Variants in GPATCH8 observed in about 807,000 individuals in gnomAD.
The protein encoded by GPATCH8 is G-patch domain containing 8.
Under a neutral mutation model 118.3 loss-of-function variants are expected in GPATCH8, and 18 were observed. The ratio of observed to expected loss-of-function variants is 0.15; its 90% confidence interval spans 0.11 to 0.23. GPATCH8 has a LOEUF of 0.23. Among genes scored for constraint, GPATCH8 ranks in the 10% least tolerant of loss-of-function variants. GPATCH8 has a pLI of 1.00. For missense variants in GPATCH8, 1,631 were observed against 1,873.8 expected (o/e 0.87, Z 2.39); for synonymous variants, 659 against 684.7 (o/e 0.96, Z 0.59).
At chr17:44,459,434 T>C (rs2051462361) in intron 3 of GPATCH8, among the ~76,000 whole-genome samples, 1 of 152,184 alleles carries the variant, frequency 6.6e-6, no homozygotes, top group South Asian at 2.1e-4. Flanking sequence ...TTAATATCCA[T>C]TTATTGCTGA....
intron 6 of GPATCH8, among the ~76,000 whole-genome samples, chr17:44,416,159 G>A (rs1378279804): frequency 1.3e-5 from 2 of 152,084 alleles, no homozygotes; most frequent in Admixed American, 6.5e-5. Context: ...GTGCCACCAC[G>A]CCCAGCTAAT....
intron 3 of GPATCH8, among the ~76,000 whole-genome samples, chr17:44,451,990 G>C (rs562260771): frequency 3.3e-5 from 5 of 152,144 alleles, no homozygotes; most frequent in African/African-American, 9.6e-5. Flanking sequence ...TCTTGGGCAG[G>C]CTGGGCGTGG....
chr17:44,480,434 G>A (rs1177051545), intron 1 of GPATCH8, among the ~76,000 whole-genome samples: 6 of 151,862 alleles, frequency 4.0e-5, no homozygotes, highest in African/African-American at 1.5e-4. Flanking sequence ...TACAAAAATT[G>A]GCCAGGCGCG....
chr17:44,424,609 G>A (rs1598454688), intron 5 of GPATCH8, 117 bp from the exon 6 acceptor site: 1 of 752,908 alleles, frequency 1.3e-6, no homozygotes, highest in Non-Finnish European at 2.3e-6. Context: ...ATAATATTTA[G>A]TGGTACCAGT....
chr17:44,473,031 A>C (rs988136007), intron 2 of GPATCH8, among the ~76,000 whole-genome samples: 3 of 151,954 alleles, frequency 2.0e-5, no homozygotes, highest in Non-Finnish European at 4.4e-5. Flanking sequence ...GGAAAAATTA[A>C]ATTAGTTTGC....
At chr17:44,492,520 C>A (rs909901022) in intron 1 of GPATCH8, among the ~76,000 whole-genome samples, 1 of 150,628 alleles carries the variant, frequency 6.6e-6, no homozygotes. Flanking sequence ...TGCAGTGAGC[C>A]GAGATGTAGT....
intron 6 of GPATCH8, 26 bp downstream of exon 6, chr17:44,424,323 T>C (rs1383087659): frequency 2.0e-6 from 3 of 1,502,402 alleles, no homozygotes; most frequent in Non-Finnish European, 2.8e-6. Context: ...GGTACCTTCT[T>C]CTGTTAGCAA....
chr17:44,424,479 T>C lies in GPATCH8; in HGVS notation c.362A>G (p.Lys121Arg). Residue 121 changes from lysine (K) to arginine (R), a missense_variant, in exon 6 of 8, where the codon AAA (lysine) becomes AGA (arginine). By Grantham distance (26) the Lys-to-Arg change is conservative. This residue lies in a region of GPATCH8 where 81 missense variants were observed against 227.6 expected (regional missense o/e 0.36). Coordinates refer to ENST00000591680, the MANE Select transcript of GPATCH8 (RefSeq NM_001002909.4). The part of the protein sequence containing the change: ...LRQKYKDYVD[K>R]EKAIAKALED... Reference sequence around the variant, plus strand: ...CAAGGCTTTGGCAATTGCCTTCTCTTTGTCAACATAATCCTTCAAGACCCA... The same window carrying C: ...CAAGGCTTTGGCAATTGCCTTCTCTCTGTCAACATAATCCTTCAAGACCCA... 1 of 1,608,532 alleles carries C rather than the reference T, an allele frequency of 6.2e-7. No individual in the cohort carries two copies. Among genetic ancestry groups the C allele is most frequent in the Non-Finnish European group, 8.5e-7 (1 of 1,175,054 alleles).
chr17:44,442,984 T>C (rs2050754635), intron 3 of GPATCH8, among the ~76,000 whole-genome samples: 1 of 152,102 alleles, frequency 6.6e-6, no homozygotes, highest in Non-Finnish European at 1.5e-5. Flanking sequence ...ACTGAAAATA[T>C]TGAGGCAGAA....
Position 44,398,125 on chromosome 17 carries a change from C to T in GPATCH8, c.3952G>A (p.Glu1318Lys). The stretch of plus-strand genomic sequence containing the variant: ...GCCTGCTGGAGCTTGCTGTACTTCT[C>T]CATCTCCTCAGGGGTGAAGGTGATG... Reference protein sequence around the residue: ...QPITFTPEEMEKYSKLQQAAQ... With the variant: ...QPITFTPEEMKKYSKLQQAAQ... Residue 1318 changes from glutamate to lysine, a missense_variant, in exon 8 of 8, where the codon GAG becomes AAG. Physicochemically the swap from Glu to Lys is moderately conservative, Grantham distance 56 (BLOSUM62 1). Transcript: ENST00000591680. The T allele has an allele frequency of 6.2e-7, 1 of 1,614,032 alleles. No individual in the cohort carries two copies. Among genetic ancestry groups the T allele is most frequent in the Non-Finnish European group, 8.5e-7 (1 of 1,179,948 alleles).
At position 44,396,671 on chromosome 17, in the gene GPATCH8, G is replaced by C. The variant is rs1598391607; in HGVS notation, c.*897C>G. On this transcript the variant is annotated 3_prime_UTR_variant, in exon 8 of 8. Transcript: ENST00000591680. ...CAGAACGAGGATCACTTAAAGAGCT[G>C]GATGTAAAAAATATTATTGCAGTAT... 4.5e-6 allele frequency: 2 copies of C among 444,746 alleles called. No individual in the cohort carries two copies. The highest frequency in any genetic ancestry group is 1.4e-4 in the East Asian group (2 of 14,364). 27.5% of individuals were successfully genotyped at this position (444,746 alleles called of 1,614,324 possible). A position where few individuals can be genotyped will look rare whatever the true frequency, so the allele number is the denominator to read the frequency against.
intron 3 of GPATCH8, among the ~76,000 whole-genome samples, chr17:44,448,315 T>G (rs1264363986): frequency 6.6e-6 from 1 of 151,756 alleles, no homozygotes; most frequent in African/African-American, 2.4e-5. Context: ...CCCAGCACTT[T>G]GGGAGGCTGA....
intron 1 of GPATCH8, chr17:44,486,404 T>C (rs1275464195): frequency 2.0e-5 from 3 of 152,364 alleles, no homozygotes; most frequent in South Asian, 4.1e-4. Context: ...GTTAAAATTA[T>C]GCCCATTAAG....
At position 44,423,828 on chromosome 17, in the gene GPATCH8, C is replaced by T. The variant is rs577938152; in HGVS notation, c.492+521G>A. ...TTATCAGCTCTTCAACATGCAGCAA[C>T]AGAGTTTTTTGTTAAAGTTAAGATA... On this transcript the variant is annotated intron_variant, in intron 6 of 7. Transcript: ENST00000591680. 3.3e-5 allele frequency among the ~76,000 whole-genome samples: 5 copies of T among 152,264 alleles called. No individual in the cohort carries two copies. The South Asian group carries it at 1.0e-3, about 32-fold the overall frequency.
chr17:44,495,472 T>A (rs574875485), intron 1 of GPATCH8, among the ~76,000 whole-genome samples: 49 of 152,358 alleles, frequency 3.2e-4, no homozygotes, highest in African/African-American at 1.1e-3. Context: ...GCTGGTCTTA[T>A]GAATAATAAA....
chr17:44,409,836 C>G (rs916074631), intron 6 of GPATCH8, among the ~76,000 whole-genome samples: 2 of 152,174 alleles, frequency 1.3e-5, no homozygotes, highest in African/African-American at 2.4e-5. Context: ...TATAATCAAC[C>G]CCGCAGTGCA....
chr17:44,406,506 G>GGGGTT (rs377596219), intron 6 of GPATCH8, among the ~76,000 whole-genome samples: 3 of 69,312 alleles, frequency 4.3e-5, no homozygotes, highest in Non-Finnish European at 9.5e-5. Context: ...TGGGGGGGGG[G>GGGGTT]GGTTATTTAA....
chr17:44,415,411 T>C (rs189138428), intron 6 of GPATCH8, among the ~76,000 whole-genome samples: 5 of 152,338 alleles, frequency 3.3e-5, no homozygotes, highest in Admixed American at 3.3e-4. Context: ...TGCTTGAGCA[T>C]CCCAAATCTG....
At chr17:44,459,477 T>TCA (rs1414429859) in intron 3 of GPATCH8, among the ~76,000 whole-genome samples, 2 of 152,208 alleles carry the variant, frequency 1.3e-5, no homozygotes, top group Non-Finnish European at 2.9e-5. Flanking sequence ...CCTTGTCCCT[T>TCA]CACTTATAGG....
Sources: allele counts gnomAD v4.1 joint callset (sites outside exome capture counted in the v4.1 genomes callset), GRCh38; gene constraint gnomAD v4.1.1; regional missense constraint gnomAD v4.1.1; transcripts MANE v1.5; gene names NCBI Gene and HGNC (gene_info 2026-07-23, HGNC 2026-07-21).